The following PEG3 variants were observed in gnomAD, a reference collection of about 807,000 sequenced individuals.
The protein encoded by PEG3 is paternally expressed 3.
PEG3 carries 23 observed loss-of-function variants against 35.5 expected under a neutral mutation model. The observed-to-expected ratio is 0.65, with a 90% CI of 0.47 to 0.92. The LOEUF (loss-of-function observed/expected upper bound fraction) is 0.92. Ranked by LOEUF, PEG3 falls within the 40% of genes least tolerant of loss-of-function variation. PEG3 has a pLI of 0.00. For synonymous variants in PEG3, 707 were observed against 697.0 expected, an observed-to-expected ratio of 1.01 and a Z score of -0.23; for missense variants, 1,960 against 1,985.3, an observed-to-expected ratio of 0.99 and a Z score of 0.24.
chr19:56,837,552 G>T (rs1049705401), intron 1 of PEG3, among the ~76,000 whole-genome samples: 1 of 152,216 alleles, frequency 6.6e-6, no homozygotes, highest in African/African-American at 2.4e-5. Flanking sequence ...CCCGCTTCCC[G>T]AGGCCTGGCT....
Position 56,812,367 on chromosome 19 carries a change from A to T in PEG3, c.*1308T>A. 1.0e-6 allele frequency: 1 copy of T among 984,850 alleles called. No individual in the cohort carries two copies. Among genetic ancestry groups the T allele is most frequent in the African/African-American group, 1.7e-5 (1 of 57,338 alleles). The allele number at this position is 984,850 out of a possible 1,614,324, so 61.0% of individuals were successfully genotyped here. The stretch of plus-strand genomic sequence containing the variant: ...GGAACAGATGTTAACAAAACAAATT[A>T]AGGCTGCTGGGGAACCTGAGTCCAT... On this transcript the variant is annotated 3_prime_UTR_variant, in exon 10 of 10. Coordinates refer to ENST00000326441, the MANE Select transcript of PEG3 (RefSeq NM_006210.3).
chr19:56,812,022 C>T lies in PEG3; in HGVS notation c.*1653G>A. On this transcript the variant is annotated 3_prime_UTR_variant, in exon 10 of 10. Coordinates refer to ENST00000326441, the MANE Select transcript of PEG3 (RefSeq NM_006210.3). Reference sequence around the variant, plus strand: ...GACATACTTCCAAGCCCTAATCCTGCAGATCCAGAAGAGTAAGATTCAGAC... The same window carrying T: ...GACATACTTCCAAGCCCTAATCCTGTAGATCCAGAAGAGTAAGATTCAGAC... The T allele has an allele frequency of 1.0e-6, 1 of 984,792 alleles. No individual in the cohort carries two copies. Among genetic ancestry groups the T allele is most frequent in the African/African-American group, 1.7e-5 (1 of 57,322 alleles). 61.0% of individuals were successfully genotyped at this position (984,792 alleles called of 1,614,324 possible).
intron 6 of PEG3, 183 bp downstream of exon 6, chr19:56,822,570 A>C: frequency 1.4e-6 from 1 of 700,932 alleles, no homozygotes; most frequent in Non-Finnish European, 2.3e-6. Context: ...TATGTGGTGA[A>C]ACCTGTGCTG....
intron 1 of PEG3, among the ~76,000 whole-genome samples, chr19:56,838,161 G>A (rs950300932): frequency 4.6e-5 from 7 of 152,118 alleles, no homozygotes; most frequent in African/African-American, 1.7e-4. Flanking sequence ...CTCTGCACCC[G>A]GCCCTACAGC....
At chr19:56,824,978 G>A in intron 3 of PEG3, 1 of 265,480 alleles carries the variant, frequency 3.8e-6, no homozygotes, top group East Asian at 6.7e-5. Flanking sequence ...ACTTGGGACT[G>A]TGGGCAACTT....
rs2048060842 is a variant in PEG3, at chr19:56,810,540, C to T, written c.*3135G>A. 1.0e-6 allele frequency: 1 copy of T among 978,596 alleles called. No individual in the cohort carries two copies. Among genetic ancestry groups the T allele is most frequent in the East Asian group, 1.1e-4 (1 of 8,772 alleles). 60.6% of individuals were successfully genotyped at this position (978,596 alleles called of 1,614,324 possible). On this transcript the variant is annotated 3_prime_UTR_variant, in exon 10 of 10. Transcript: ENST00000326441. Reference sequence around the variant, plus strand: ...TGGGAATATGTGTGAATTTTCTTTACTGAATTTCCAAAGTTTTGTATGAGT... The same window carrying T: ...TGGGAATATGTGTGAATTTTCTTTATTGAATTTCCAAAGTTTTGTATGAGT...
At chr19:56,818,498 A>C (rs2060190444) in intron 8 of PEG3, 102 bp downstream of exon 8, 12 of 1,242,702 alleles carry the variant, frequency 9.7e-6, no homozygotes, top group Admixed American at 2.2e-5. Context: ...CTTGAAGTCC[A>C]AATATATTAA....
intron 6 of PEG3, 161 bp downstream of exon 6, chr19:56,822,592 T>A (rs2060607401): frequency 4.5e-6 from 4 of 889,394 alleles, no homozygotes; most frequent in Admixed American, 2.5e-5. Flanking sequence ...TGGTACCGAG[T>A]GGAACTTCAA....
At chr19:56,833,009 G>A in intron 2 of PEG3, 1 of 352,772 alleles carries the variant, frequency 2.8e-6, no homozygotes, top group South Asian at 2.2e-5. Flanking sequence ...AGGCATCCTT[G>A]CCAGAAGTCA....
chr19:56,818,907 G>A (rs2060223768), intron 7 of PEG3, among the ~76,000 whole-genome samples: 1 of 152,244 alleles, frequency 6.6e-6, no homozygotes, highest in South Asian at 2.1e-4. Context: ...AGATCCCAAA[G>A]ACGCATGACA....
At position 56,811,626 on chromosome 19, in the gene PEG3, A is replaced by G; in HGVS notation, c.*2049T>C. 1.0e-6 allele frequency: 1 copy of G among 984,530 alleles called. No homozygotes were observed. The highest frequency in any genetic ancestry group is 1.8e-5 in the African/African-American group (1 of 56,944). 61.0% of individuals were successfully genotyped at this position (984,530 alleles called of 1,614,324 possible). The stretch of plus-strand genomic sequence containing the variant: ...ACTGCCAACAATGTTAACACCAAGT[A>G]ATGTACCCACAAAGTTCACCCCGAC... On this transcript the variant is annotated 3_prime_UTR_variant, in exon 10 of 10. Transcript: ENST00000326441.
At chr19:56,820,498 C>T (rs1020583857) in intron 7 of PEG3, among the ~76,000 whole-genome samples, 1 of 152,218 alleles carries the variant, frequency 6.6e-6, no homozygotes, top group Non-Finnish European at 1.5e-5. Flanking sequence ...CACATGCCTC[C>T]AGCCTTCTTC....
rs1487131379 is a variant in PEG3 at position 56,817,650 on chromosome 19, A to G, written c.863-71T>C. ...AGGACAGTGGGACTTGGAGGGGTGC[A>G]CCCTTCTGTGATGTTTAGGAATGCA... On this transcript the variant is annotated intron_variant, in intron 9 of 9. Coordinates refer to ENST00000326441, the MANE Select transcript of PEG3 (RefSeq NM_006210.3). The G allele has an allele frequency of 3.3e-6, 5 of 1,512,318 alleles. No individual in the cohort carries two copies. The African/African-American group carries it at 6.9e-5, about 21-fold the overall frequency. The allele number at this position is 1,512,318 out of a possible 1,614,324, so 93.7% of individuals were successfully genotyped here. A position where few individuals can be genotyped will look rare whatever the true frequency, so the allele number is the denominator to read the frequency against.
At chr19:56,822,727 T>G (rs1270048461) in intron 6 of PEG3, 26 bp downstream of exon 6, 1 of 1,612,848 alleles carries the variant, frequency 6.2e-7, no homozygotes, top group Non-Finnish European at 8.5e-7. Context: ...TATCTCCTAC[T>G]GGGAAAGAAA....
chr19:56,835,839 C>T (rs901819512), intron 2 of PEG3, among the ~76,000 whole-genome samples, 179 bp downstream of exon 2: 4 of 152,052 alleles, frequency 2.6e-5, no homozygotes, highest in Non-Finnish European at 4.4e-5. Flanking sequence ...GGTGTGAGGC[C>T]AAGGAGAATT....
intron 1 of PEG3, among the ~76,000 whole-genome samples, chr19:56,839,691 C>A (rs536920475): frequency 3.3e-5 from 5 of 152,166 alleles, no homozygotes; most frequent in African/African-American, 9.6e-5. Flanking sequence ...ATGGGTGGGG[C>A]TGGAACAGAC....
chr19:56,838,765 C>T (rs2062533832), intron 1 of PEG3, among the ~76,000 whole-genome samples: 1 of 152,190 alleles, frequency 6.6e-6, no homozygotes, highest in African/African-American at 2.4e-5. Context: ...AACAGCCTGG[C>T]GACCAGCACA....
rs2059706563 is a variant in PEG3, at chr19:56,813,758, TCTC to T, written c.4681_4683del (p.Glu1561del). 2 of 1,614,094 alleles carry T rather than the reference TCTC, an allele frequency of 1.2e-6. No homozygotes were observed. Among genetic ancestry groups the T allele is most frequent in the Non-Finnish European group, 1.7e-6 (2 of 1,180,032 alleles). On this transcript the variant is annotated inframe_deletion, in exon 10 of 10. Coordinates refer to ENST00000326441, the MANE Select transcript of PEG3 (RefSeq NM_006210.3). ...CCACAGACGTCACATTTGAAGTACTTCTCATCAGCTTGATTGGCACCACCTGTG... is the reference window on the plus strand; with the variant it reads ...CCACAGACGTCACATTTGAAGTACTTATCAGCTTGATTGGCACCACCTGTG...
Position 56,812,051 on chromosome 19 carries a change from T to C in PEG3, c.*1624A>G, listed in dbSNP as rs569868945. 5.1e-6 allele frequency: 5 copies of C among 983,840 alleles called. No homozygotes were observed. The South Asian group carries it at 1.9e-4, about 37-fold the overall frequency. The allele number at this position is 983,840 out of a possible 1,614,324, so 60.9% of individuals were successfully genotyped here. On this transcript the variant is annotated 3_prime_UTR_variant, in exon 10 of 10. Transcript: ENST00000326441. ...TCCAGAAGAGTAAGATTCAGACACA[T>C]TTCCCCCAGTGGGTACTTTAATTTT...
Sources: gnomAD v4.1 joint callset for allele counts (sites outside exome capture counted in the v4.1 genomes callset) on GRCh38, gnomAD v4.1.1 for gene constraint, MANE v1.5 for transcripts, NCBI Gene and HGNC (gene_info 2026-07-23, HGNC 2026-07-21) for gene names.